VCAM1: variants seen among roughly 807,000 people sequenced by gnomAD.
VCAM1 encodes the protein vascular cell adhesion protein 1.
A neutral mutation model predicts 63.8 loss-of-function variants in VCAM1; 41 were observed. The ratio of observed to expected loss-of-function variants is 0.64; its 90% CI spans 0.50 to 0.83. The LOEUF (loss-of-function observed/expected upper bound fraction) is 0.83. Among genes scored for constraint, VCAM1 ranks in the 40% least tolerant of loss-of-function variants. The probability of loss-of-function intolerance (pLI) is 0.00; values close to 1 mark genes in which losing one functional copy is unlikely to be tolerated. For synonymous variants in VCAM1, 338 were observed against 320.7 expected (o/e 1.05, Z -0.58); for missense variants, 798 against 875.5 (o/e 0.91, Z 1.12).
At chr1:100,722,366 A>G (rs994551356) in intron 2 of VCAM1, among the ~76,000 whole-genome samples, 1 of 152,038 alleles carries the variant, frequency 6.6e-6, no homozygotes, top group South Asian at 2.1e-4. Context: ...CAGAGGCACC[A>G]TTTTCAGAAG....
intron 4 of VCAM1, among the ~76,000 whole-genome samples, chr1:100,726,870 TA>T (rs1320091891): frequency 2.0e-5 from 3 of 152,102 alleles, no homozygotes; most frequent in Non-Finnish European, 4.4e-5. Flanking sequence ...CACTAAACTG[TA>T]AATTCCTGCT....
chr1:100,720,822 TAAAAAAAGTTTTAA>T, intron 2 of VCAM1, 71 bp downstream of exon 2: 1 of 1,495,908 alleles, frequency 6.7e-7, no homozygotes, highest in Non-Finnish European at 8.9e-7. Context: ...AATGATATTT[TAAAAAAAGTTTTAA>T]AATGGATATT....
At chr1:100,721,231 GTTC>G (rs570653929) in intron 2 of VCAM1, among the ~76,000 whole-genome samples, 17 of 152,110 alleles carry the variant, frequency 1.1e-4, no homozygotes, top group Middle Eastern at 3.4e-3. Context: ...GTATAAAAGT[GTTC>G]TTCTTAGACA....
In VCAM1 at chr1:100,724,703, C is replaced by T. The variant is rs753463883; in HGVS notation, c.741C>T (p.Ser247=). Residue 247 remains serine, a synonymous_variant, in exon 4 of 9, where the codon TCC becomes TCT. Transcript: ENST00000294728. ...GTGGCTCTGTGACCATGACCTGTTC[C>T]AGCGAGGGTCTACCAGCTCCAGAGA... The part of the protein sequence containing the change: ...QEGGSVTMTC[S]SEGLPAPEIF... The T allele has an allele frequency of 1.6e-4, 259 of 1,612,922 alleles. No individual in the cohort carries two copies. Among genetic ancestry groups the T allele is most frequent in the Non-Finnish European group, 2.1e-4 (253 of 1,179,422 alleles).
Position 100,738,354 on chromosome 1 carries a change from T to G in VCAM1, c.*71T>G. The G allele has an allele frequency of 8.7e-6, 13 of 1,491,584 alleles. 1 individual carries two copies. In the South Asian group the frequency reaches 1.1e-4, roughly 13 times the overall value. 92.4% of individuals were successfully genotyped at this position (1,491,584 alleles called of 1,614,324 possible). A position where few individuals can be genotyped will look rare whatever the true frequency, so the allele number is the denominator to read the frequency against. ...ATCCTTGATACTGCTCATCATTCCT[T>G]GAGAAAAACAATGAGCTGAGAGGCA... is the stretch of plus-strand genomic sequence containing the variant. On this transcript the variant is annotated 3_prime_UTR_variant, in exon 9 of 9. Coordinates refer to ENST00000294728, the MANE Select transcript of VCAM1 (RefSeq NM_001078.4).
rs1223658349 is a variant in VCAM1, at chr1:100,731,201, T to C, written c.1208T>C (p.Phe403Ser). 1 of 1,592,674 alleles carries C rather than the reference T, an allele frequency of 6.3e-7. No individual in the cohort carries two copies. The highest frequency in any genetic ancestry group is 8.5e-7 in the Non-Finnish European group (1 of 1,170,882). The change falls in exon 6 of 9, where the codon TTC (phenylalanine) becomes TCC (serine). Residue 403 changes from phenylalanine (F) to serine (S), a missense_variant. By Grantham distance (155) the Phe-to-Ser change is radical (BLOSUM62 -2). Transcript: ENST00000294728. This position sits in a 1 kb window ranked among gnomAD's most constrained non-coding sequence, Gnocchi z 4.2. ...CGTTTTTGCTTGCGATTTGCAGCAT[T>C]CCCTAGAGATCCAGAAATCGAGATG... is the stretch of plus-strand genomic sequence containing the variant. ...EKGIQVELYS[F>S]PRDPEIEMSG...
rs778901841 is a variant in VCAM1 at position 100,731,225 on chromosome 1, T to C, written c.1232T>C (p.Met411Thr). Residue 411 changes from methionine to threonine, a missense_variant, in exon 6 of 9, where the codon ATG (methionine) becomes ACG (threonine). Physicochemically the swap from Met to Thr is moderately conservative, Grantham distance 81. Coordinates refer to ENST00000294728, the MANE Select transcript of VCAM1 (RefSeq NM_001078.4). The surrounding 1 kb of genome is among the most constrained non-coding windows in gnomAD (Gnocchi z 4.2). Reference protein sequence around the residue: ...YSFPRDPEIEMSGGLVNGSSV... With the variant: ...YSFPRDPEIETSGGLVNGSSV... ...TTCCCTAGAGATCCAGAAATCGAGA[T>C]GAGTGGTGGCCTCGTGAATGGGAGC... 6.2e-7 allele frequency: 1 copy of C among 1,607,758 alleles called. No homozygotes were observed.
chr1:100,720,535 T>G lies in VCAM1; in HGVS notation c.124T>G (p.Ser42Ala). Residue 42 changes from serine to alanine, a missense_variant, in exon 2 of 9, where the codon TCC becomes GCC. Transcript: ENST00000294728. The part of the protein sequence containing the change: ...ESRYLAQIGD[S>A]VSLTCSTTGC... ...TAGATATCTTGCTCAGATTGGTGACTCCGTCTCATTGACTTGCAGCACCAC... is the reference window on the plus strand; with the variant it reads ...TAGATATCTTGCTCAGATTGGTGACGCCGTCTCATTGACTTGCAGCACCAC... The G allele has an allele frequency of 6.2e-7, 1 of 1,613,348 alleles. No homozygotes were observed. The highest frequency in any genetic ancestry group is 8.5e-7 in the Non-Finnish European group (1 of 1,179,522).
intron 6 of VCAM1, 32 bp from the exon 7 acceptor site, chr1:100,732,386 G>C (rs182428320): frequency 1.3e-6 from 2 of 1,514,790 alleles, no homozygotes; most frequent in Admixed American, 2.3e-5. Context: ...GGGCATAATA[G>C]GTCAAGCTAA....
intron 3 of VCAM1, 96 bp downstream of exon 3, chr1:100,723,436 T>C (rs1660041609): frequency 8.4e-7 from 1 of 1,194,778 alleles, no homozygotes; most frequent in African/African-American, 1.6e-5. Flanking sequence ...AAAAAAAAAC[T>C]TGTATATAGT....
intron 8 of VCAM1, 128 bp downstream of exon 8, chr1:100,734,896 G>GA: frequency 5.1e-6 from 6 of 1,187,472 alleles, no homozygotes; most frequent in Non-Finnish European, 7.0e-6. Flanking sequence ...AGGATTCTTG[G>GA]AAAAATCAAG....
chr1:100,723,022 T>C lies in VCAM1; in HGVS notation c.343T>C (p.Phe115Leu), dbSNP rs1259767720. The C allele has an allele frequency of 2.5e-6, 4 of 1,606,258 alleles. No homozygotes were observed. The highest frequency in any genetic ancestry group is 3.4e-6 in the Non-Finnish European group (4 of 1,176,528). Residue 115 changes from phenylalanine (F) to leucine (L), a missense_variant and splice_region_variant, in exon 3 of 9, where the codon TTT becomes CTT. Transcript: ENST00000294728. ...ATGTATTTGTTTGGCCTTTTCAGCT[T>C]TTCCTAAGGATCCAGAGATTCATTT... is the stretch of plus-strand genomic sequence containing the variant. ...EKGIQVEIYS[F>L]PKDPEIHLSG... is the part of the protein sequence containing the mutation.
In VCAM1 at chr1:100,731,065, A is replaced by T. The variant is rs1660435294; in HGVS notation, c.1205-133A>T. On this transcript the variant is annotated intron_variant, in intron 5 of 8. Transcript: ENST00000294728. This position sits in a 1 kb window ranked among gnomAD's most constrained non-coding sequence, Gnocchi z 4.2. ...TATGTCATTTATAAATACTGTCATT[A>T]CTTATATATTGACAGTCATTCTATC... is the stretch of plus-strand genomic sequence containing the variant. 1.4e-5 allele frequency: 10 copies of T among 725,192 alleles called. No individual in the cohort carries two copies. Among genetic ancestry groups the T allele is most frequent in the Non-Finnish European group, 2.2e-5 (10 of 458,394 alleles). 44.9% of individuals were successfully genotyped at this position (725,192 alleles called of 1,614,324 possible). A position where few individuals can be genotyped will look rare whatever the true frequency, so the allele number is the denominator to read the frequency against.
At chr1:100,725,607 T>C (rs1660134617) in intron 4 of VCAM1, among the ~76,000 whole-genome samples, 1 of 152,092 alleles carries the variant, frequency 6.6e-6, no homozygotes, top group African/African-American at 2.4e-5. Flanking sequence ...ATCTCATTAA[T>C]CTTTACCACA....
rs1438608591 is a variant in VCAM1 at position 100,729,207 on chromosome 1, A to G, written c.1029A>G (p.Pro343=). ...GTAGTGTCATGGGCTGTGAATCCCC[A>G]TCTTTCTCCTGGAGAACCCAGATAG... ...LTCSVMGCES[P]SFSWRTQIDS... is the part of the protein sequence containing the mutation. Residue 343 remains proline (P), a synonymous_variant, in exon 5 of 9, where the codon CCA becomes CCG. Coordinates refer to ENST00000294728, the MANE Select transcript of VCAM1 (RefSeq NM_001078.4). 3 of 1,613,536 alleles carry G rather than the reference A, an allele frequency of 1.9e-6. No homozygotes were observed. Among genetic ancestry groups the G allele is most frequent in the Admixed American group, 1.7e-5 (1 of 59,930 alleles).
chr1:100,736,876 A>AT (rs1471240439), intron 8 of VCAM1: 1 of 152,194 alleles, frequency 6.6e-6, no homozygotes, highest in East Asian at 1.9e-4. Context: ...TCTGGAAAGA[A>AT]TGTAGTAATC....
At position 100,731,647 on chromosome 1, in the gene VCAM1, A is replaced by G. The variant is rs1660461492; in HGVS notation, c.1525+129A>G. 2 of 861,100 alleles carry G rather than the reference A, an allele frequency of 2.3e-6. No individual in the cohort carries two copies. The highest frequency in any genetic ancestry group is 1.9e-5 in the South Asian group (1 of 53,402). 53.3% of individuals were successfully genotyped at this position (861,100 alleles called of 1,614,324 possible). A position where few individuals can be genotyped will look rare whatever the true frequency, so the allele number is the denominator to read the frequency against. ...AAAACGTTACTGAAAAGAAATTTCAAAATAATGATGATTGTAACAAATCAC... is the reference window on the plus strand; with the variant it reads ...AAAACGTTACTGAAAAGAAATTTCAGAATAATGATGATTGTAACAAATCAC... On this transcript the variant is annotated intron_variant, in intron 6 of 8. Coordinates refer to ENST00000294728, the MANE Select transcript of VCAM1 (RefSeq NM_001078.4). The surrounding 1 kb of genome is among the most constrained non-coding windows in gnomAD (Gnocchi z 4.2).
At position 100,738,573 on chromosome 1, in the gene VCAM1, G is replaced by A. The variant is rs1301329456; in HGVS notation, c.*290G>A. 5.3e-6 allele frequency: 1 copy of A among 190,458 alleles called. No homozygotes were observed. The highest frequency in any genetic ancestry group is 1.1e-5 in the Non-Finnish European group (1 of 92,856). 11.8% of individuals were successfully genotyped at this position (190,458 alleles called of 1,614,324 possible). A position where few individuals can be genotyped will look rare whatever the true frequency, so the allele number is the denominator to read the frequency against. On this transcript the variant is annotated 3_prime_UTR_variant, in exon 9 of 9. Transcript: ENST00000294728. Reference sequence around the variant, plus strand: ...GTAAAATAAAATTATGCCATAGCAAGATTGCTTAAAATAGCAACACTCTAT... The same window carrying A: ...GTAAAATAAAATTATGCCATAGCAAAATTGCTTAAAATAGCAACACTCTAT...
chr1:100,728,962 T>C, intron 4 of VCAM1, 145 bp from the exon 5 acceptor site: 5 of 947,128 alleles, frequency 5.3e-6, no homozygotes, highest in Non-Finnish European at 7.2e-6. Context: ...TTTCTGATGG[T>C]CCCAAGGTGG....
Sources: gnomAD v4.1 joint callset for allele counts (sites outside exome capture counted in the v4.1 genomes callset) on GRCh38, gnomAD v4.1.1 for gene constraint, Gnocchi (gnomAD v3.1) non-coding constraint, MANE v1.5 for transcripts, NCBI Gene and HGNC (gene_info 2026-07-23, HGNC 2026-07-21) for gene names.